Variants in VPS35L observed in about 807,000 individuals in gnomAD.
VPS35L encodes the protein VPS35 endosomal protein sorting factor like.
VPS35L carries 83 observed loss-of-function variants against 133.0 expected under a neutral mutation model. The observed-to-expected ratio is 0.62, with a 90% CI of 0.52 to 0.75. The LOEUF (loss-of-function observed/expected upper bound fraction) is 0.75, where lower values mean the gene tolerates loss of function less well. Among genes scored for constraint, VPS35L ranks in the 30% least tolerant of loss-of-function variants. The pLI is 0.00. For synonymous variants in VPS35L, 423 were observed against 449.9 expected, an observed-to-expected ratio of 0.94 and a Z score of 0.76; for missense variants, 1,083 against 1,206.8, an observed-to-expected ratio of 0.90 and a Z score of 1.52.
intron 7 of VPS35L, among the ~76,000 whole-genome samples, chr16:19,589,466 A>C (rs75401997): frequency 0.046 from 7,043 of 152,078 alleles, 330 homozygotes; most frequent in East Asian, 0.2. Flanking sequence ...GCTGGTCTTA[A>C]ACTCCTGGGC....
chr16:19,608,882 C>T, intron 10 of VPS35L, 92 bp from the exon 11 acceptor site: 2 of 1,149,704 alleles, frequency 1.7e-6, no homozygotes, highest in Non-Finnish European at 2.6e-6. Context: ...TCTCCTAAGA[C>T]CCGCCTACTT....
chr16:19,694,678 G>C (rs958679728), intron 29 of VPS35L, among the ~76,000 whole-genome samples: 3 of 151,746 alleles, frequency 2.0e-5, no homozygotes, highest in Non-Finnish European at 4.4e-5. Context: ...TTACACAGCC[G>C]AGGTCTCTCT....
intron 15 of VPS35L, among the ~76,000 whole-genome samples, chr16:19,626,532 C>T (rs1252105313): frequency 9.9e-5 from 15 of 152,116 alleles, no homozygotes; most frequent in Admixed American, 9.8e-4. Flanking sequence ...GAGGCTGAGG[C>T]GTGTGGATCA....
chr16:19,604,605 CA>C (rs1175812722), intron 9 of VPS35L, among the ~76,000 whole-genome samples: 2 of 152,024 alleles, frequency 1.3e-5, no homozygotes, highest in Non-Finnish European at 2.9e-5. Flanking sequence ...TTATGTTTTT[CA>C]AAGTTGTTGG....
intron 4 of VPS35L, 67 bp downstream of exon 4, chr16:19,573,308 G>T (rs1163284800): frequency 2.6e-6 from 4 of 1,510,158 alleles, no homozygotes; most frequent in South Asian, 1.2e-5. Flanking sequence ...TTGTTATGTT[G>T]CTTCAACTCC....
intron 7 of VPS35L, among the ~76,000 whole-genome samples, chr16:19,584,653 T>G (rs1971810519): frequency 6.7e-6 from 1 of 149,380 alleles, no homozygotes; most frequent in South Asian, 2.1e-4. Context: ...AAGAGTTTCC[T>G]TTTCTCTGTA....
At chr16:19,559,780 G>A (rs1056769906) in intron 1 of VPS35L, among the ~76,000 whole-genome samples, 4 of 151,764 alleles carry the variant, frequency 2.6e-5, no homozygotes, top group African/African-American at 7.3e-5. Flanking sequence ...TCCACCTCCC[G>A]GGTTCAAGCA....
At position 19,699,009 on chromosome 16, in the gene VPS35L, T is replaced by C. The variant is rs1030717305; in HGVS notation, c.2647-493T>C. Reference sequence around the variant, plus strand: ...CTGATGTCAGCGTGTAAAGGCTGGATATGGGCACCAAGGATTGGGGAGCTC... The same window carrying C: ...CTGATGTCAGCGTGTAAAGGCTGGACATGGGCACCAAGGATTGGGGAGCTC... On this transcript the variant is annotated intron_variant, in intron 29 of 30. Transcript: ENST00000417362. The surrounding 1 kb of genome is among the most constrained non-coding windows in gnomAD (Gnocchi z 4.2). Among the ~76,000 whole-genome samples the C allele has an allele frequency of 2.6e-5, 4 of 152,174 alleles. No homozygotes were observed. Among genetic ancestry groups the C allele is most frequent in the African/African-American group, 9.7e-5 (4 of 41,430 alleles).
intron 29 of VPS35L, chr16:19,694,018 T>A (rs963463841): frequency 6.8e-6 from 1 of 147,554 alleles, no homozygotes; most frequent in South Asian, 2.1e-4. Flanking sequence ...TAATGTTCAA[T>A]AGCAGAGCAG....
intron 8 of VPS35L, among the ~76,000 whole-genome samples, chr16:19,593,613 C>G (rs1451599147): frequency 1.3e-5 from 2 of 152,048 alleles, no homozygotes; most frequent in Admixed American, 6.5e-5. Context: ...CAAACAGTGT[C>G]ATTAAGACCT....
intron 8 of VPS35L, among the ~76,000 whole-genome samples, chr16:19,597,676 CCCA>C (rs1449951712): frequency 6.6e-6 from 1 of 152,186 alleles, no homozygotes; most frequent in Non-Finnish European, 1.5e-5. Flanking sequence ...GAATGGTGTT[CCCA>C]CGGTGCTGTT....
At chr16:19,697,185 T>C (rs1200097839) in intron 29 of VPS35L, among the ~76,000 whole-genome samples, 1 of 152,208 alleles carries the variant, frequency 6.6e-6, no homozygotes, top group Non-Finnish European at 1.5e-5. Flanking sequence ...TCCCTGATGA[T>C]TGGGCTCTTT....
intron 3 of VPS35L, among the ~76,000 whole-genome samples, chr16:19,570,864 TATATATATATA>T (rs1567388521): frequency 3.5e-5 from 3 of 86,218 alleles, no homozygotes; most frequent in African/African-American, 1.8e-4. Context: ...TATATATATA[TATATATATATA>T]TATATATATA....
At chr16:19,646,793 G>T (rs1481167082) in intron 23 of VPS35L, among the ~76,000 whole-genome samples, 1 of 152,140 alleles carries the variant, frequency 6.6e-6, no homozygotes, top group Non-Finnish European at 1.5e-5. Flanking sequence ...TTGATGGGGG[G>T]TAGTCCACAG....
chr16:19,585,406 C>CTTTTT (rs201727936), intron 7 of VPS35L, among the ~76,000 whole-genome samples: 3 of 138,124 alleles, frequency 2.2e-5, no homozygotes, highest in Admixed American at 1.5e-4. Flanking sequence ...TTTCTTTTTT[C>CTTTTT]TTTTTTTTTT....
chr16:19,556,490 C>A (rs1970861158), intron 1 of VPS35L, among the ~76,000 whole-genome samples: 1 of 152,164 alleles, frequency 6.6e-6, no homozygotes, highest in African/African-American at 2.4e-5. Flanking sequence ...ACTGAAGCTT[C>A]AGGGTTCAGC....
intron 3 of VPS35L, 103 bp downstream of exon 3, chr16:19,569,694 A>C: frequency 8.1e-7 from 1 of 1,227,650 alleles, no homozygotes; most frequent in South Asian, 1.7e-5. Context: ...TGAGAGACAG[A>C]GTCTCACTCT....
rs1301871744 is a variant in VPS35L at position 19,616,986 on chromosome 16, A to C, written c.1224+178A>C. The C allele has an allele frequency of 3.3e-6, 3 of 915,382 alleles. No individual in the cohort carries two copies. In the South Asian group the frequency reaches 4.3e-5, roughly 13 times the overall value. The allele number at this position is 915,382 out of a possible 1,614,324, so 56.7% of individuals were successfully genotyped here. ...GCTCTGTGCTGAGTGCTTTTCTGAG[A>C]TAGTCTCATTTTGACAGCTGTGGAA... is the stretch of plus-strand genomic sequence containing the variant. On this transcript the variant is annotated intron_variant, in intron 14 of 30. Coordinates refer to ENST00000417362, the MANE Select transcript of VPS35L (RefSeq NM_020314.7).
intron 28 of VPS35L, among the ~76,000 whole-genome samples, chr16:19,684,784 C>T (rs1975399645): frequency 6.6e-6 from 1 of 152,214 alleles, no homozygotes; most frequent in Admixed American, 6.5e-5. Context: ...TGGCTGGGCA[C>T]AGTGGCTTGT....
Sources: gnomAD v4.1 joint callset for allele counts (sites outside exome capture counted in the v4.1 genomes callset) on GRCh38, gnomAD v4.1.1 for gene constraint, Gnocchi (gnomAD v3.1) non-coding constraint, MANE v1.5 for transcripts, NCBI Gene and HGNC (gene_info 2026-07-23, HGNC 2026-07-21) for gene names.